CDC42SE1: variants seen among roughly 807,000 people sequenced by gnomAD.
CDC42SE1 encodes the protein CDC42 small effector protein 1.
A neutral mutation model predicts 10.9 loss-of-function variants in CDC42SE1; 10 were observed. The ratio of observed to expected loss-of-function variants is 0.92; its 90% confidence interval spans 0.57 to 1.56. The LOEUF (loss-of-function observed/expected upper bound fraction) is 1.56, where lower values mean the gene tolerates loss of function less well. Ranked by LOEUF, CDC42SE1 falls within the 40% of genes most tolerant of loss-of-function variation. The probability of loss-of-function intolerance (pLI) is 0.00; values close to 1 mark genes in which losing one functional copy is unlikely to be tolerated. For missense variants in CDC42SE1, 81 were observed against 100.8 expected (o/e 0.80, Z 0.84); for synonymous variants, 24 against 32.0 (o/e 0.75, Z 0.85).
In CDC42SE1 at chr1:151,057,713, AC is replaced by A. The variant is rs1676310550; in HGVS notation, c.-263-1721del. On this transcript the variant is annotated intron_variant, in intron 1 of 4. Coordinates refer to ENST00000357235, the MANE Select transcript of CDC42SE1 (RefSeq NM_020239.4). The surrounding 1 kb of genome is among the most constrained non-coding windows in gnomAD (Gnocchi z 4.0). ...AAATACAAAACACACACACACACAC[AC>A]ACACACACACACACACACACACACA... The A allele has an allele frequency of 1.4e-5, 2 of 140,686 alleles. No individual in the cohort carries two copies. Among genetic ancestry groups the A allele is most frequent in the Admixed American group, 6.9e-5 (1 of 14,588 alleles). 8.7% of individuals were successfully genotyped at this position (140,686 alleles called of 1,614,324 possible).
intron 4 of CDC42SE1, 108 bp downstream of exon 4, chr1:151,054,123 G>A (rs1311385283): frequency 2.6e-6 from 2 of 759,512 alleles, no homozygotes; most frequent in Admixed American, 3.9e-5. Flanking sequence ...AAGCCACCAT[G>A]CCCGGCCACA....
chr1:151,053,677 T>TCA (rs1166511603), intron 4 of CDC42SE1, among the ~76,000 whole-genome samples: 2 of 152,112 alleles, frequency 1.3e-5, no homozygotes, highest in Non-Finnish European at 2.9e-5. Context: ...AGACAGGGGT[T>TCA]CACCATGTTG....
At chr1:151,058,690 T>C in intron 1 of CDC42SE1, 1 of 151,742 alleles carries the variant, frequency 6.6e-6, no homozygotes, top group Non-Finnish European at 1.5e-5. Flanking sequence ...AAGATCATAC[T>C]AGGACTTGAG....
At chr1:151,058,424 CTCT>C (rs1676328219) in intron 1 of CDC42SE1, 1 of 152,430 alleles carries the variant, frequency 6.6e-6, no homozygotes, top group Non-Finnish European at 1.5e-5. Context: ...CTGGCGGCCA[CTCT>C]TCTTTAAAGC....
intron 1 of CDC42SE1, chr1:151,058,285 C>T (rs928997182): frequency 6.6e-6 from 1 of 152,620 alleles, no homozygotes; most frequent in South Asian, 2.1e-4. Flanking sequence ...AATTCCATTC[C>T]CTAGGACATT....
At position 151,051,471 on chromosome 1, in the gene CDC42SE1, A is replaced by C. The variant is rs1676181348; in HGVS notation, c.*1873T>G. The stretch of plus-strand genomic sequence containing the variant: ...ATAAGCAAACTGAATGGGTGGTGGA[A>C]TTGGCAGAATGGATACCAGTTCCTA... On this transcript the variant is annotated 3_prime_UTR_variant, in exon 5 of 5. Coordinates refer to ENST00000357235, the MANE Select transcript of CDC42SE1 (RefSeq NM_020239.4). The C allele has an allele frequency of 6.9e-6, 1 of 144,208 alleles. No homozygotes were observed. The highest frequency in any genetic ancestry group is 7.3e-5 in the Admixed American group (1 of 13,788). 8.9% of individuals were successfully genotyped at this position (144,208 alleles called of 1,614,324 possible). A position where few individuals can be genotyped will look rare whatever the true frequency, so the allele number is the denominator to read the frequency against.
chr1:151,053,170 A>G lies in CDC42SE1; in HGVS notation c.*174T>C, dbSNP rs901155820. 6 of 152,758 alleles carry G rather than the reference A, an allele frequency of 3.9e-5. No individual in the cohort carries two copies. Among genetic ancestry groups the G allele is most frequent in the African/African-American group, 9.7e-5 (4 of 41,448 alleles). 9.5% of individuals were successfully genotyped at this position (152,758 alleles called of 1,614,324 possible). A position where few individuals can be genotyped will look rare whatever the true frequency, so the allele number is the denominator to read the frequency against. ...CCCATCTCCAGGAGGGGCTATGGCC[A>G]GAGGGAGTAGAGGGAGTCCAGCCCC... is the stretch of plus-strand genomic sequence containing the variant. On this transcript the variant is annotated 3_prime_UTR_variant, in exon 5 of 5. Transcript: ENST00000357235.
In CDC42SE1 at chr1:151,057,479, C is replaced by T. The variant is rs1337735510; in HGVS notation, c.-263-1486G>A. Among the ~76,000 whole-genome samples the T allele has an allele frequency of 5.3e-5, 8 of 152,076 alleles. No individual in the cohort carries two copies. The highest frequency in any genetic ancestry group is 5.2e-4 in the Admixed American group (8 of 15,282). ...GCAGTGAGCCGAGATCGCCACTGCA[C>T]TCCAGCCTGGGCAACAAGAGCGAAA... On this transcript the variant is annotated intron_variant, in intron 1 of 4. Coordinates refer to ENST00000357235, the MANE Select transcript of CDC42SE1 (RefSeq NM_020239.4). The surrounding 1 kb of genome is among the most constrained non-coding windows in gnomAD (Gnocchi z 4.0).
In CDC42SE1 at chr1:151,057,463, C is replaced by T. The variant is rs963087967; in HGVS notation, c.-263-1470G>A. Among the ~76,000 whole-genome samples the T allele has an allele frequency of 7.2e-5, 11 of 151,864 alleles. No individual in the cohort carries two copies. Among genetic ancestry groups the T allele is most frequent in the Non-Finnish European group, 1.3e-4 (9 of 67,970 alleles). On this transcript the variant is annotated intron_variant, in intron 1 of 4. Coordinates refer to ENST00000357235, the MANE Select transcript of CDC42SE1 (RefSeq NM_020239.4). The surrounding 1 kb of genome is among the most constrained non-coding windows in gnomAD (Gnocchi z 4.0). ...GCTTGAACCGGAGATTGCAGTGAGC[C>T]GAGATCGCCACTGCACTCCAGCCTG...
intron 2 of CDC42SE1, 108 bp from the exon 3 acceptor site, chr1:151,055,234 A>G: frequency 3.8e-6 from 3 of 789,582 alleles, no homozygotes; most frequent in Non-Finnish European, 6.5e-6. Context: ...CCTGGTGGGA[A>G]GAGGGGATGT....
rs909365823 is a variant in CDC42SE1, at chr1:151,055,328, G to A, written c.55-202C>T. 1.4e-4 allele frequency: 84 copies of A among 598,464 alleles called. 1 individual carries two copies. The Admixed American group carries it at 2.4e-3, about 17-fold the overall frequency. The allele number at this position is 598,464 out of a possible 1,614,324, so 37.1% of individuals were successfully genotyped here. ...CACAGAAGACATGAACCAGAGTAGTGAGGGCAGTGGCCTGCAGAGTGAACA... is the reference window on the plus strand; with the variant it reads ...CACAGAAGACATGAACCAGAGTAGTAAGGGCAGTGGCCTGCAGAGTGAACA... On this transcript the variant is annotated intron_variant, in intron 2 of 4. Coordinates refer to ENST00000357235, the MANE Select transcript of CDC42SE1 (RefSeq NM_020239.4).
rs1392583988 is a variant in CDC42SE1, at chr1:151,055,018, T to C, written c.163A>G (p.Met55Val). Reference sequence around the variant, plus strand: ...ACCTCTCCCCATTTCCTTGTTACCATGGCAAGTCCATCTCCGGCCCCCATC... The same window carrying C: ...ACCTCTCCCCATTTCCTTGTTACCACGGCAAGTCCATCTCCGGCCCCCATC... Reference protein sequence around the residue: ...GEMGAGDGLAMTGAVQEQMRS... With the variant: ...GEMGAGDGLAVTGAVQEQMRS... The change falls in exon 3 of 5, where the codon ATG (methionine) becomes GTG (valine). Residue 55 changes from methionine to valine, a missense_variant and splice_region_variant. Met to Val is a conservative substitution (Grantham distance 21). Transcript: ENST00000357235. The C allele has an allele frequency of 6.2e-7, 1 of 1,610,796 alleles. No homozygotes were observed.
chr1:151,053,981 C>T (rs1676233487), intron 4 of CDC42SE1, among the ~76,000 whole-genome samples: 1 of 152,094 alleles, frequency 6.6e-6, no homozygotes, highest in Non-Finnish European at 1.5e-5. Flanking sequence ...AGGAGCACGC[C>T]ACTGTGCCCG....
In CDC42SE1 at chr1:151,051,319, TG is replaced by T. The variant is rs1340154936; in HGVS notation, c.*2024del. 4 of 128,496 alleles carry T rather than the reference TG, an allele frequency of 3.1e-5. No individual in the cohort carries two copies. Among genetic ancestry groups the T allele is most frequent in the Non-Finnish European group, 6.2e-5 (4 of 64,106 alleles). The allele number at this position is 128,496 out of a possible 1,614,324, so 8.0% of individuals were successfully genotyped here. A position where few individuals can be genotyped will look rare whatever the true frequency, so the allele number is the denominator to read the frequency against. On this transcript the variant is annotated 3_prime_UTR_variant, in exon 5 of 5. Coordinates refer to ENST00000357235, the MANE Select transcript of CDC42SE1 (RefSeq NM_020239.4). ...TTACTTTCAGAGCAACCAGCTTGAC[TG>T]GAACTGAGAGTAAATTGGGAATGTA... is the stretch of plus-strand genomic sequence containing the variant.
At position 151,054,213 on chromosome 1, in the gene CDC42SE1, G is replaced by T. The variant is rs368219233; in HGVS notation, c.*16+18C>A. Reference sequence around the variant, plus strand: ...TTATGGGGGCTGAGGTGTTAGATGGGTTTCTCTAATCACTCACCATTCCAT... The same window carrying T: ...TTATGGGGGCTGAGGTGTTAGATGGTTTTCTCTAATCACTCACCATTCCAT... On this transcript the variant is annotated intron_variant, in intron 4 of 4. Transcript: ENST00000357235. The T allele has an allele frequency of 6.0e-6, 9 of 1,498,894 alleles. No individual in the cohort carries two copies. The highest frequency in any genetic ancestry group is 3.3e-5 in the Admixed American group (2 of 59,840). 92.8% of individuals were successfully genotyped at this position (1,498,894 alleles called of 1,614,324 possible). A position where few individuals can be genotyped will look rare whatever the true frequency, so the allele number is the denominator to read the frequency against.
intron 1 of CDC42SE1, 121 bp from the exon 2 acceptor site, chr1:151,056,114 C>T (rs757393740): frequency 2.7e-5 from 6 of 222,370 alleles, no homozygotes; most frequent in Non-Finnish European, 5.5e-5. Flanking sequence ...TAGACCTGTA[C>T]ACCAACACTC....
chr1:151,057,870 CAGA>C lies in CDC42SE1; in HGVS notation c.-264+1606_-264+1608del, dbSNP rs915042582. ...CTCACCACTGGAAGGGAGGAGTAAC[CAGA>C]AGGAGCGGAAGCTAAAACACGCTGT... is the stretch of plus-strand genomic sequence containing the variant. On this transcript the variant is annotated intron_variant, in intron 1 of 4. Coordinates refer to ENST00000357235, the MANE Select transcript of CDC42SE1 (RefSeq NM_020239.4). This position sits in a 1 kb window ranked among gnomAD's most constrained non-coding sequence, Gnocchi z 4.0. 1 of 152,194 alleles carries C rather than the reference CAGA, an allele frequency of 6.6e-6. No homozygotes were observed. The highest frequency in any genetic ancestry group is 2.4e-5 in the African/African-American group (1 of 41,332). 9.4% of individuals were successfully genotyped at this position (152,194 alleles called of 1,614,324 possible).
intron 1 of CDC42SE1, 41 bp downstream of exon 1, chr1:151,059,438 G>C (rs1676359201): frequency 6.5e-6 from 1 of 152,734 alleles, no homozygotes; most frequent in Non-Finnish European, 1.5e-5. Context: ...TGGCCCGGCC[G>C]GCGCGGCAGG....
At chr1:151,058,945 C>T (rs1312587970) in intron 1 of CDC42SE1, 3 of 152,284 alleles carry the variant, frequency 2.0e-5, no homozygotes, top group Non-Finnish European at 2.9e-5. Context: ...AGCAGCTGGT[C>T]CCTGTGTGGA....
Sources: allele counts gnomAD v4.1 joint callset (sites outside exome capture counted in the v4.1 genomes callset), GRCh38; gene constraint gnomAD v4.1.1; non-coding constraint Gnocchi (gnomAD v3.1); transcripts MANE v1.5; gene names NCBI Gene and HGNC (gene_info 2026-07-23, HGNC 2026-07-21).